The following AFAP1 variants were observed in gnomAD, a reference collection of about 807,000 sequenced individuals.
AFAP1 encodes the protein actin filament-associated protein 1.
Under a neutral mutation model 93.9 loss-of-function variants are expected in AFAP1, and 75 were observed. The observed-to-expected ratio is 0.80, with a 90% CI of 0.66 to 0.97. The LOEUF (loss-of-function observed/expected upper bound fraction) is 0.97. Among genes scored for constraint, AFAP1 ranks in the 50% least tolerant of loss-of-function variants. The pLI, the probability that AFAP1 is intolerant of heterozygous loss-of-function variation, is 0.00. For synonymous variants in AFAP1, 517 were observed against 430.7 expected (o/e 1.20, Z -2.48); for missense variants, 1,201 against 1,050.8 (o/e 1.14, Z -1.98).
chr4:7,904,103 CTTAA>C (rs547090027), intron 1 of AFAP1, among the ~76,000 whole-genome samples: 113 of 152,218 alleles, frequency 7.4e-4, no homozygotes, highest in African/African-American at 2.6e-3. Context: ...CATGTCTTTT[CTTAA>C]TTGTCTATAA....
chr4:7,893,580 C>CAAA (rs11331784), intron 1 of AFAP1, among the ~76,000 whole-genome samples: 2,123 of 106,052 alleles, frequency 0.02, 91 homozygotes, highest in South Asian at 0.051. Flanking sequence ...GACTCTGTCT[C>CAAA]AAAAAAAAAA....
intron 1 of AFAP1, among the ~76,000 whole-genome samples, chr4:7,922,364 T>G (rs773657686): frequency 2.0e-5 from 3 of 152,118 alleles, no homozygotes; most frequent in Non-Finnish European, 2.9e-5. Flanking sequence ...GAAGAAAAAT[T>G]AATTCTAGCT....
At chr4:7,839,327 G>GT (rs1712705674) in intron 5 of AFAP1, among the ~76,000 whole-genome samples, 1 of 151,544 alleles carries the variant, frequency 6.6e-6, no homozygotes. Flanking sequence ...CAGAGACTCT[G>GT]TCTCCAACTA....
At position 7,841,692 on chromosome 4, in the gene AFAP1, A is replaced by G. The variant is rs1229709519; in HGVS notation, c.546+1447T>C. 2.0e-5 allele frequency among the ~76,000 whole-genome samples: 3 copies of G among 152,204 alleles called. No individual in the cohort carries two copies. In the East Asian group the frequency reaches 5.8e-4, roughly 29 times the overall value. ...AATGATAGGTCATTTTTGAAAGGAA[A>G]AAAGCTTCGTAATAAAAGTCAATAA... On this transcript the variant is annotated intron_variant, in intron 5 of 17. Coordinates refer to ENST00000420658, the MANE Select transcript of AFAP1 (RefSeq NM_001134647.2).
chr4:7,818,960 C>T (rs1376510257), intron 7 of AFAP1, 116 bp downstream of exon 7: 1 of 988,306 alleles, frequency 1.0e-6, no homozygotes, highest in Non-Finnish European at 1.4e-6. Context: ...CACGACTGCA[C>T]TTTTTCTTTT....
intron 12 of AFAP1, among the ~76,000 whole-genome samples, chr4:7,783,227 C>T (rs781690153): frequency 7.2e-5 from 11 of 152,178 alleles, no homozygotes; most frequent in Non-Finnish European, 1.2e-4. Context: ...GCAGCCTCCG[C>T]CTCCCAGGCT....
intron 1 of AFAP1, among the ~76,000 whole-genome samples, chr4:7,900,505 A>C (rs1277062499): frequency 6.6e-6 from 1 of 152,084 alleles, no homozygotes; most frequent in Non-Finnish European, 1.5e-5. Context: ...CAGTGTGGCC[A>C]GGAGGATGGT....
At chr4:7,863,995 A>G (rs1172988675) in intron 3 of AFAP1, among the ~76,000 whole-genome samples, 2 of 152,240 alleles carry the variant, frequency 1.3e-5, no homozygotes, top group Non-Finnish European at 2.9e-5. Flanking sequence ...TCCCATCACA[A>G]CACCTTCCCA....
At chr4:7,934,840 C>T (rs1042801272) in intron 1 of AFAP1, among the ~76,000 whole-genome samples, 1 of 152,206 alleles carries the variant, frequency 6.6e-6, no homozygotes, top group Admixed American at 6.5e-5. Flanking sequence ...AGAAATTACG[C>T]TTCGCTAAAG....
chr4:7,889,689 CGT>C (rs1718336620), intron 1 of AFAP1, among the ~76,000 whole-genome samples: 1 of 88,982 alleles, frequency 1.1e-5, no homozygotes, highest in African/African-American at 3.5e-5. Context: ...CTCAATGAAG[CGT>C]TTTTTTTTTT....
chr4:7,833,184 G>A (rs1041328102), intron 6 of AFAP1, among the ~76,000 whole-genome samples: 4 of 152,138 alleles, frequency 2.6e-5, no homozygotes, highest in African/African-American at 9.7e-5. Context: ...GCTTTTTCAT[G>A]GCAAAACCAG....
chr4:7,936,782 C>T (rs1721413602), intron 1 of AFAP1, among the ~76,000 whole-genome samples: 1 of 152,070 alleles, frequency 6.6e-6, no homozygotes, highest in East Asian at 1.9e-4. Context: ...AGGGTTTCAC[C>T]GTGTTAGCCA....
Position 7,916,555 on chromosome 4 carries a change from T to C in AFAP1, c.-3+23101A>G, listed in dbSNP as rs531864187. On this transcript the variant is annotated intron_variant, in intron 1 of 17. Coordinates refer to ENST00000420658, the MANE Select transcript of AFAP1 (RefSeq NM_001134647.2). The stretch of plus-strand genomic sequence containing the variant: ...AAACCAGCATCAAGTCCACTTACTA[T>C]GATAGCTGATTATACGTGAAGCCCT... Among the ~76,000 whole-genome samples the C allele has an allele frequency of 2.0e-5, 3 of 152,270 alleles. No individual in the cohort carries two copies. The South Asian group carries it at 6.2e-4, about 32-fold the overall frequency.
rs112746335 is a variant in AFAP1 at position 7,772,795 on chromosome 4, C to T, written c.2253+25G>A. ...GGCCACGCAAGGCCGCGCCAGCCTC[C>T]GAGGTGAGCCAGAAGGACACACACC... On this transcript the variant is annotated intron_variant, in intron 16 of 17. Coordinates refer to ENST00000420658, the MANE Select transcript of AFAP1 (RefSeq NM_001134647.2). 3,129 of 1,606,990 alleles carry T rather than the reference C, an allele frequency of 1.9e-3. 59 individuals carry two copies. In the African/African-American group the frequency reaches 0.037, roughly 19 times the overall value.
chr4:7,844,245 T>TGG (rs932859076), intron 4 of AFAP1, among the ~76,000 whole-genome samples: 4 of 151,368 alleles, frequency 2.6e-5, no homozygotes, highest in Non-Finnish European at 5.9e-5. Context: ...GTCCTAAGGG[T>TGG]GGGGTCCTAA....
intron 1 of AFAP1, among the ~76,000 whole-genome samples, chr4:7,908,534 C>T (rs1321360348): frequency 6.6e-6 from 1 of 152,204 alleles, no homozygotes; most frequent in East Asian, 1.9e-4. Context: ...AGCTTTGATA[C>T]CACACAGCTT....
In AFAP1 at chr4:7,882,790, C is replaced by T. The variant is rs184130996; in HGVS notation, c.-2-10710G>A. Among the ~76,000 whole-genome samples the T allele has an allele frequency of 1.7e-3, 258 of 151,974 alleles. 3 individuals are homozygous for T. Among genetic ancestry groups the T allele is most frequent in the East Asian group, 5.8e-4 (3 of 5,148 alleles). ...AGGAGAATCGCTTGAACCTGGGAGG[C>T]GGAGGCTGCAGTGAGCCGAGATAGA... On this transcript the variant is annotated intron_variant, in intron 1 of 17. Transcript: ENST00000420658.
chr4:7,799,158 C>T, intron 10 of AFAP1: 1 of 902,788 alleles, frequency 1.1e-6, no homozygotes, highest in Non-Finnish European at 1.3e-6. Flanking sequence ...TCAGGGTCTG[C>T]ACAGAGCTGA....
intron 1 of AFAP1, among the ~76,000 whole-genome samples, chr4:7,891,050 C>T (rs1256295093): frequency 2.0e-5 from 3 of 151,228 alleles, no homozygotes; most frequent in African/African-American, 7.3e-5. Flanking sequence ...AATATGTTCA[C>T]ACAATGGAAT....
Sources: gnomAD v4.1 joint callset for allele counts (sites outside exome capture counted in the v4.1 genomes callset) on GRCh38, gnomAD v4.1.1 for gene constraint, MANE v1.5 for transcripts, NCBI Gene and HGNC (gene_info 2026-07-23, HGNC 2026-07-21) for gene names.